SCHIP1: variants seen among roughly 807,000 people sequenced by gnomAD.
The protein encoded by SCHIP1 is schwannomin interacting protein 1.
In SCHIP1, 8 loss-of-function variants were observed where a neutral mutation model predicts 29.7. That is an observed-to-expected ratio of 0.27 (90% CI 0.16 to 0.49). SCHIP1 has a LOEUF of 0.49. SCHIP1 is among the 20% of genes least tolerant of loss of function. The pLI is 0.99. For missense variants in SCHIP1, 193 were observed against 294.6 expected, an observed-to-expected ratio of 0.66 and a Z score of 2.52; for synonymous variants, 76 against 94.9, an observed-to-expected ratio of 0.80 and a Z score of 1.16.
At chr3:159,750,263 GTATATATATATATATATATA>G in the SCHIP1 span, among the ~76,000 whole-genome samples, 1 of 25,104 alleles carries the variant, frequency 4.0e-5, no homozygotes, top group Non-Finnish European at 9.2e-5. Flanking sequence ...ATGTGTGTGT[GTATATATATATATATATATA>G]TATATATATA....
the SCHIP1 span, among the ~76,000 whole-genome samples, chr3:159,681,115 G>T: frequency 6.6e-6 from 1 of 151,944 alleles, no homozygotes; most frequent in Non-Finnish European, 1.5e-5. Context: ...GCCACACATG[G>T]TCTTGGTATG....
At chr3:159,877,646 AAC>A (rs34987858) in intron 2 of SCHIP1, among the ~76,000 whole-genome samples, 3,593 of 152,308 alleles carry the variant, frequency 0.024, 67 homozygotes, top group Middle Eastern at 0.048. Context: ...ATGCCTCAGA[AAC>A]ACACACAGGC....
chr3:159,833,195 A>G, the SCHIP1 span, among the ~76,000 whole-genome samples: 1 of 152,228 alleles, frequency 6.6e-6, no homozygotes, highest in African/African-American at 2.4e-5. Context: ...TATAATATCA[A>G]AAGTTGGAAG....
At chr3:159,306,154 T>G in the SCHIP1 span, among the ~76,000 whole-genome samples, 1 of 80,790 alleles carries the variant, frequency 1.2e-5, no homozygotes, top group South Asian at 3.2e-4. Context: ...TGCAGTAACT[T>G]TTTTCACAGG....
the SCHIP1 span, among the ~76,000 whole-genome samples, chr3:159,314,257 C>T: frequency 1.3e-5 from 2 of 152,184 alleles, no homozygotes; most frequent in Admixed American, 6.5e-5. Context: ...GTAATTTTGT[C>T]GTAAGCTTGA....
chr3:159,568,349 T>C, the SCHIP1 span, among the ~76,000 whole-genome samples: 3 of 152,250 alleles, frequency 2.0e-5, no homozygotes, highest in East Asian at 3.9e-4. Context: ...GAGGGCATTT[T>C]TTGCTCATTT....
At chr3:159,591,156 G>A in the SCHIP1 span, among the ~76,000 whole-genome samples, 1 of 152,168 alleles carries the variant, frequency 6.6e-6, no homozygotes, top group African/African-American at 2.4e-5. Context: ...GCCTGACCTA[G>A]TATTTGCCAA....
In SCHIP1 at chr3:159,860,720, T is replaced by A. The variant is rs148077272; in HGVS notation, c.31-5443T>A. 5.7e-3 allele frequency among the ~76,000 whole-genome samples: 862 copies of A among 152,298 alleles called. 14 individuals are homozygous for A. The highest frequency in any genetic ancestry group is 6.6e-3 in the Non-Finnish European group (450 of 68,022). ...GGAAACTGGGGGAAACACTTTTCTT[T>A]CTCCCACTCCTTCCCACAACTGAAT... On this transcript the variant is annotated intron_variant, in intron 1 of 6. Transcript: ENST00000445224.
At chr3:159,436,498 T>A in the SCHIP1 span, among the ~76,000 whole-genome samples, 467 of 152,298 alleles carry the variant, frequency 3.1e-3, 2 homozygotes, top group African/African-American at 0.011. Flanking sequence ...TTCTCACTGG[T>A]ACTAGAGGAG....
the SCHIP1 span, among the ~76,000 whole-genome samples, chr3:159,804,118 C>A: frequency 1.3e-5 from 2 of 152,188 alleles, no homozygotes; most frequent in Non-Finnish European, 2.9e-5. Flanking sequence ...CTGGTCCCTG[C>A]AGTTGTAATA....
chr3:159,547,721 G>A, the SCHIP1 span, among the ~76,000 whole-genome samples: 94 of 152,278 alleles, frequency 6.2e-4, no homozygotes, highest in South Asian at 4.1e-4. Context: ...GATGGTTGTA[G>A]ATGTGTGGTG....
the SCHIP1 span, among the ~76,000 whole-genome samples, chr3:159,468,461 C>T: frequency 4.6e-5 from 7 of 151,766 alleles, no homozygotes; most frequent in African/African-American, 1.7e-4. Context: ...AGTGATTTGA[C>T]CTCACAATTA....
At chr3:159,536,019 A>G in the SCHIP1 span, among the ~76,000 whole-genome samples, 1 of 152,204 alleles carries the variant, frequency 6.6e-6, no homozygotes, top group East Asian at 1.9e-4. Context: ...AATCATTTAA[A>G]GTTATATAAA....
chr3:159,892,822 G>A (rs184600035), intron 6 of SCHIP1: 1 of 152,730 alleles, frequency 6.5e-6, no homozygotes, highest in Admixed American at 6.5e-5. Flanking sequence ...TTCCTTGCAG[G>A]AAAGCATGTC....
chr3:159,778,570 G>T, the SCHIP1 span, among the ~76,000 whole-genome samples: 1 of 152,178 alleles, frequency 6.6e-6, no homozygotes, highest in Non-Finnish European at 1.5e-5. Context: ...TTCGACAACT[G>T]TAATAAGTAA....
chr3:159,797,929 AG>A, the SCHIP1 span, among the ~76,000 whole-genome samples: 1 of 152,178 alleles, frequency 6.6e-6, no homozygotes, highest in Non-Finnish European at 1.5e-5. Context: ...TGTTTGTTTC[AG>A]TTACTTTCTT....
the SCHIP1 span, among the ~76,000 whole-genome samples, chr3:159,521,623 A>T: frequency 6.6e-6 from 1 of 152,160 alleles, no homozygotes; most frequent in Non-Finnish European, 1.5e-5. Flanking sequence ...CAGTTTGAAT[A>T]CTCCAAGTAC....
chr3:159,392,103 A>G, the SCHIP1 span, among the ~76,000 whole-genome samples: 8 of 152,082 alleles, frequency 5.3e-5, no homozygotes, highest in African/African-American at 1.9e-4. Context: ...CACTGCCCAC[A>G]TCTTTGGAAG....
At chr3:159,769,606 C>T in the SCHIP1 span, among the ~76,000 whole-genome samples, 11 of 152,018 alleles carry the variant, frequency 7.2e-5, no homozygotes, top group Admixed American at 3.3e-4. Flanking sequence ...AAAAATTAGC[C>T]GGGCATGGTG....
Sources: gnomAD v4.1 joint callset for allele counts (sites outside exome capture counted in the v4.1 genomes callset) on GRCh38, gnomAD v4.1.1 for gene constraint, MANE v1.5 for transcripts, NCBI Gene and HGNC (gene_info 2026-07-23, HGNC 2026-07-21) for gene names.